ITPR2: variants seen among roughly 807,000 people sequenced by gnomAD.
ITPR2 encodes the protein inositol 1,4,5-trisphosphate-gated calcium channel ITPR2.
A neutral mutation model predicts 317.1 loss-of-function variants in ITPR2; 207 were observed. That is an observed-to-expected ratio of 0.65 (90% CI 0.58 to 0.73). ITPR2 has a LOEUF of 0.73. Ranked by LOEUF, ITPR2 falls within the 30% of genes least tolerant of loss-of-function variation. ITPR2 has a pLI of 0.00. For synonymous variants in ITPR2, 1,156 were observed against 1,149.1 expected (o/e 1.01, Z -0.12); for missense variants, 2,613 against 3,284.0 (o/e 0.80, Z 4.99).
At chr12:26,562,611 C>G (rs1944849039) in intron 34 of ITPR2, among the ~76,000 whole-genome samples, 1 of 152,056 alleles carries the variant, frequency 6.6e-6, no homozygotes. Flanking sequence ...AGAAACTGCC[C>G]CACAAGAGAT....
At chr12:26,497,960 T>G (rs143982250) in intron 37 of ITPR2, among the ~76,000 whole-genome samples, 3,036 of 152,256 alleles carry the variant, frequency 0.02, 48 homozygotes, top group Non-Finnish European at 0.031. Flanking sequence ...GGTCTCGAAC[T>G]CCTGACCTCA....
At chr12:26,711,341 A>T in intron 8 of ITPR2, 73 bp from the exon 9 acceptor site, 1 of 978,054 alleles carries the variant, frequency 1.0e-6, no homozygotes, top group Non-Finnish European at 1.7e-6. Context: ...AACAGTTTAC[A>T]TGCCTGCCCT....
In ITPR2 at chr12:26,643,504, G is replaced by A. The variant is rs192460986; in HGVS notation, c.2740+10472C>T. Among the ~76,000 whole-genome samples the A allele has an allele frequency of 1.2e-3, 186 of 152,270 alleles. 2 individuals carry two copies. The highest frequency in any genetic ancestry group is 4.4e-3 in the African/African-American group (182 of 41,542). On this transcript the variant is annotated intron_variant, in intron 21 of 56. Transcript: ENST00000381340. ...AGGAGAGCTACAGAGAAAGCATGTA[G>A]CTCTAATACTTTTTGAATTCTCTAA...
chr12:26,749,270 C>A (rs1225324365), intron 2 of ITPR2, among the ~76,000 whole-genome samples: 3 of 152,188 alleles, frequency 2.0e-5, no homozygotes, highest in African/African-American at 7.2e-5. Flanking sequence ...TCCAAAGCAA[C>A]AACCACTCGG....
At chr12:26,486,413 T>TAAAA in intron 40 of ITPR2, 53 bp from the exon 41 acceptor site, 64 of 973,816 alleles carry the variant, frequency 6.6e-5, no homozygotes, top group Middle Eastern at 2.5e-4. Flanking sequence ...TTTTACTAAT[T>TAAAA]AAAAAAAAAA....
chr12:26,797,279 T>C (rs1368419736), intron 1 of ITPR2, among the ~76,000 whole-genome samples: 1 of 152,218 alleles, frequency 6.6e-6, no homozygotes, highest in Non-Finnish European at 1.5e-5. Flanking sequence ...AATTAATGTA[T>C]AAAATATGTG....
intron 11 of ITPR2, among the ~76,000 whole-genome samples, chr12:26,685,103 C>T (rs1948102334): frequency 6.6e-6 from 1 of 152,156 alleles, no homozygotes; most frequent in African/African-American, 2.4e-5. Context: ...CACACAATGC[C>T]TGCCTTTCTG....
intron 37 of ITPR2, among the ~76,000 whole-genome samples, chr12:26,531,802 A>G (rs1371746944): frequency 6.6e-6 from 1 of 152,202 alleles, no homozygotes; most frequent in Non-Finnish European, 1.5e-5. Context: ...ATGATCAATC[A>G]TCTTGATTTA....
chr12:26,396,101 C>A (rs1219308549), intron 54 of ITPR2, among the ~76,000 whole-genome samples: 1 of 151,954 alleles, frequency 6.6e-6, no homozygotes, highest in African/African-American at 2.4e-5. Context: ...CCTTGGAAAG[C>A]CTGAAGGATC....
chr12:26,535,339 G>A (rs979511849), intron 37 of ITPR2, among the ~76,000 whole-genome samples: 6 of 152,210 alleles, frequency 3.9e-5, no homozygotes, highest in South Asian at 2.1e-4. Context: ...TTTAGTGTAC[G>A]GTCGAGGTCA....
chr12:26,454,265 C>T (rs923488559), intron 45 of ITPR2, among the ~76,000 whole-genome samples: 108 of 152,134 alleles, frequency 7.1e-4, no homozygotes, highest in African/African-American at 2.4e-3. Flanking sequence ...AGTGCAGTGG[C>T]GCAATCTCAG....
intron 44 of ITPR2, among the ~76,000 whole-genome samples, chr12:26,476,577 T>C (rs181594973): frequency 1.3e-3 from 197 of 152,364 alleles, no homozygotes; most frequent in African/African-American, 4.6e-3. Flanking sequence ...TACAAACATT[T>C]TTTTTACATC....
At chr12:26,788,701 G>A (rs1320289861) in intron 2 of ITPR2, among the ~76,000 whole-genome samples, 1 of 151,952 alleles carries the variant, frequency 6.6e-6, no homozygotes, top group Non-Finnish European at 1.5e-5. Context: ...GACACTGCGG[G>A]ACCTTCTCAG....
At chr12:26,722,271 T>C in intron 5 of ITPR2, 126 bp downstream of exon 5, 1 of 740,022 alleles carries the variant, frequency 1.4e-6, no homozygotes, top group South Asian at 2.3e-5. Context: ...TAGTAGATAC[T>C]AACATAAAAA....
At chr12:26,368,176 G>C (rs1421954373) in intron 55 of ITPR2, among the ~76,000 whole-genome samples, 1 of 152,196 alleles carries the variant, frequency 6.6e-6, no homozygotes, top group Admixed American at 6.5e-5. Context: ...AGTTTGTCCA[G>C]ACTTGTGGTT....
intron 1 of ITPR2, among the ~76,000 whole-genome samples, chr12:26,832,352 G>A (rs758483373): frequency 5.3e-5 from 8 of 152,242 alleles, no homozygotes; most frequent in Non-Finnish European, 1.0e-4. Flanking sequence ...TTACCTTCCA[G>A]GGAAAACAAG....
chr12:26,706,731 C>T (rs1296947362), intron 9 of ITPR2, among the ~76,000 whole-genome samples: 2 of 152,136 alleles, frequency 1.3e-5, no homozygotes, highest in Non-Finnish European at 2.9e-5. Context: ...GCTGATCAGT[C>T]CCAGCCTCGA....
rs543395638 is a variant in ITPR2, at chr12:26,691,530, A to G, written c.996+4076T>C. 1.8e-4 allele frequency among the ~76,000 whole-genome samples: 28 copies of G among 152,242 alleles called. No homozygotes were observed. The South Asian group carries it at 5.6e-3, about 31-fold the overall frequency. On this transcript the variant is annotated intron_variant, in intron 10 of 56. Transcript: ENST00000381340. ...GGTCTACTGAGCTCTTAATCAAACG[A>G]GCATTTTTCACTCAGAAAGAAAGCC...
intron 1 of ITPR2, among the ~76,000 whole-genome samples, chr12:26,805,390 A>C (rs7295749): frequency 0.16 from 24,531 of 152,194 alleles, 2,447 homozygotes; most frequent in East Asian, 0.47. Flanking sequence ...TTATTTATTC[A>C]ACACCTGACA....
Sources: gnomAD v4.1 joint callset for allele counts (sites outside exome capture counted in the v4.1 genomes callset) on GRCh38, gnomAD v4.1.1 for gene constraint, MANE v1.5 for transcripts, NCBI Gene and HGNC (gene_info 2026-07-23, HGNC 2026-07-21) for gene names.